N4BP2L2: variants seen among roughly 807,000 people sequenced by gnomAD.
The protein encoded by N4BP2L2 is NEDD4-binding protein 2-like 2.
In N4BP2L2, 50 loss-of-function variants were observed where a neutral mutation model predicts 56.2. The ratio of observed to expected loss-of-function variants is 0.89; its 90% CI spans 0.71 to 1.13. The LOEUF is 1.13. Among genes scored for constraint, N4BP2L2 ranks in the 50% most tolerant of loss-of-function variants. N4BP2L2 has a pLI of 0.00. For synonymous variants in N4BP2L2, 203 were observed against 223.6 expected (o/e 0.91, Z 0.82); for missense variants, 689 against 693.8 (o/e 0.99, Z 0.08).
chr13:32,439,322 A>G (rs1357180939), intron 7 of N4BP2L2, among the ~76,000 whole-genome samples: 1 of 152,208 alleles, frequency 6.6e-6, no homozygotes, highest in Non-Finnish European at 1.5e-5. Context: ...CTAGTTGATG[A>G]ATGAGGTCTA....
Position 32,518,959 on chromosome 13 carries a change from A to C in N4BP2L2, c.1551-956T>G, listed in dbSNP as rs558825531. On this transcript the variant is annotated intron_variant, in intron 5 of 5. Transcript: ENST00000267068. ...CATAGTTTTCTGTAACTTGACCTGG[A>C]CATGACAAAACATACAGGAAACATA... Among the ~76,000 whole-genome samples the C allele has an allele frequency of 9.5e-4, 145 of 152,322 alleles. 2 individuals are homozygous for C. Among genetic ancestry groups the C allele is most frequent in the Admixed American group, 3.9e-3 (60 of 15,302 alleles).
At chr13:32,454,753 TC>T (rs1450289677) in intron 6 of N4BP2L2, among the ~76,000 whole-genome samples, 3 of 152,112 alleles carry the variant, frequency 2.0e-5, no homozygotes, top group African/African-American at 7.2e-5. Context: ...AGCACTCACC[TC>T]CTCCATAAAG....
intron 8 of N4BP2L2, among the ~76,000 whole-genome samples, chr13:32,438,285 C>G (rs1369684747): frequency 6.6e-6 from 1 of 152,134 alleles, no homozygotes; most frequent in Non-Finnish European, 1.5e-5. Context: ...TCATTTGCAA[C>G]AACGTGGATG....
chr13:32,458,647 A>G (rs1430441582), intron 6 of N4BP2L2, among the ~76,000 whole-genome samples: 2 of 152,234 alleles, frequency 1.3e-5, no homozygotes, highest in African/African-American at 4.8e-5. Flanking sequence ...AGCTAATATT[A>G]TTAGATCTAA....
chr13:32,535,762 T>C lies in N4BP2L2; in HGVS notation c.1259+7A>G. 6.2e-7 allele frequency: 1 copy of C among 1,609,608 alleles called. No individual in the cohort carries two copies. The highest frequency in any genetic ancestry group is 8.5e-7 in the Non-Finnish European group (1 of 1,178,028). ...TACCAAGTATTCAGTTGGTATCCTT[T>C]ACTTACCGAGACAATGTTGTTTTCC... On this transcript the variant is annotated splice_region_variant and intron_variant, in intron 2 of 5. Coordinates refer to ENST00000267068, the Ensembl canonical transcript of N4BP2L2.
intron 6 of N4BP2L2, among the ~76,000 whole-genome samples, chr13:32,486,521 C>G (rs2085899789): frequency 6.6e-6 from 1 of 151,666 alleles, no homozygotes; most frequent in Admixed American, 6.6e-5. Flanking sequence ...ACTAAAAATA[C>G]AAAAATTAGC....
chr13:32,506,424 T>C (rs2139670097), downstream of N4BP2L2: 1 of 152,294 alleles, frequency 6.6e-6, no homozygotes, highest in East Asian at 1.9e-4. Context: ...ATTCATCCCA[T>C]AACAAACCCA....
exon 6 of N4BP2L2, chr13:32,517,878 G>T: frequency 4.3e-6 from 7 of 1,614,136 alleles, no homozygotes; most frequent in Non-Finnish European, 5.9e-6. Flanking sequence ...CTGTGGAGGA[G>T]GAGGTCTTTG....
exon 9 of N4BP2L2, chr13:32,436,397 C>T: frequency 8.1e-7 from 1 of 1,235,234 alleles, no homozygotes; most frequent in Non-Finnish European, 1.1e-6. Context: ...CAATCTTCTT[C>T]TGTCTTTTCT....
At chr13:32,444,834 C>A (rs1245317010) in intron 6 of N4BP2L2, among the ~76,000 whole-genome samples, 1 of 152,200 alleles carries the variant, frequency 6.6e-6, no homozygotes, top group Non-Finnish European at 1.5e-5. Flanking sequence ...ATGATGTAGT[C>A]TACACCACAC....
chr13:32,528,088 AG>A (rs1432352350), intron 2 of N4BP2L2, among the ~76,000 whole-genome samples: 3 of 152,210 alleles, frequency 2.0e-5, no homozygotes, highest in Non-Finnish European at 4.4e-5. Context: ...AACTTTTTGA[AG>A]CAGCATTTGT....
intron 6 of N4BP2L2, chr13:32,478,097 T>A: frequency 2.4e-6 from 3 of 1,266,202 alleles, no homozygotes; most frequent in Non-Finnish European, 3.1e-6. Flanking sequence ...TACACTGGAA[T>A]GAAGATATGC....
At chr13:32,437,593 C>G (rs1593369533) in intron 8 of N4BP2L2, among the ~76,000 whole-genome samples, 1 of 152,206 alleles carries the variant, frequency 6.6e-6, no homozygotes, top group South Asian at 2.1e-4. Context: ...CCTCCAGCTA[C>G]CTGGAAAATG....
chr13:32,527,369 C>A lies in N4BP2L2; in HGVS notation c.1384+39G>T, dbSNP rs377533057. The A allele has an allele frequency of 1.4e-5, 22 of 1,600,144 alleles. No individual in the cohort carries two copies. In the African/African-American group the frequency reaches 2.7e-4, roughly 20 times the overall value. ...AAAATCTAGGTCTTTTGACTCCTAGCCAAATATTCTATCCTGGGACACTTA... is the reference window on the plus strand; with the variant it reads ...AAAATCTAGGTCTTTTGACTCCTAGACAAATATTCTATCCTGGGACACTTA... On this transcript the variant is annotated intron_variant, in intron 3 of 5. Coordinates refer to ENST00000267068, the Ensembl canonical transcript of N4BP2L2.
At chr13:32,434,880 G>T (rs753376471) in intron 9 of N4BP2L2, among the ~76,000 whole-genome samples, 2 of 152,170 alleles carry the variant, frequency 1.3e-5, no homozygotes, top group African/African-American at 2.4e-5. Flanking sequence ...GACAGTTTAG[G>T]ATACATGTGG....
At chr13:32,485,635 C>T (rs1319293892) in intron 6 of N4BP2L2, among the ~76,000 whole-genome samples, 1 of 152,082 alleles carries the variant, frequency 6.6e-6, no homozygotes, top group Non-Finnish European at 1.5e-5. Flanking sequence ...AGTTTAACAT[C>T]CAAAATTCAA....
chr13:32,487,632 A>G (rs908056883), intron 6 of N4BP2L2, among the ~76,000 whole-genome samples: 2 of 151,504 alleles, frequency 1.3e-5, no homozygotes, highest in Non-Finnish European at 2.9e-5. Context: ...AGATCGCGCC[A>G]CTGCACTCCA....
Position 32,534,884 on chromosome 13 carries a change from T to C in N4BP2L2, c.1259+885A>G, listed in dbSNP as rs866126741. On this transcript the variant is annotated intron_variant, in intron 2 of 5. Coordinates refer to ENST00000267068, the Ensembl canonical transcript of N4BP2L2. ...ATTTGTACTGCTTTCTTTACACTAT[T>C]TTTTCACAACTGCATAAACATATTC... Among the ~76,000 whole-genome samples the C allele has an allele frequency of 3.3e-5, 5 of 152,290 alleles. No individual in the cohort carries two copies. The South Asian group carries it at 1.0e-3, about 32-fold the overall frequency.
At chr13:32,519,323 C>T (rs1231429328) in intron 5 of N4BP2L2, among the ~76,000 whole-genome samples, 3 of 151,040 alleles carry the variant, frequency 2.0e-5, no homozygotes, top group African/African-American at 4.9e-5. Flanking sequence ...GTGGGTAGAT[C>T]GCTTGAGTCC....
Sources: allele counts gnomAD v4.1 joint callset (sites outside exome capture counted in the v4.1 genomes callset), GRCh38; gene constraint gnomAD v4.1.1; transcripts MANE v1.5; gene names NCBI Gene and HGNC (gene_info 2026-07-23, HGNC 2026-07-21).